The following KY variants were observed in gnomAD, a reference collection of about 807,000 sequenced individuals.
The protein encoded by KY is kyphoscoliosis peptidase.
Under a neutral mutation model 76.1 loss-of-function variants are expected in KY, and 43 were observed. The ratio of observed to expected loss-of-function variants is 0.57; its 90% CI spans 0.44 to 0.73. The LOEUF is 0.73. Among genes scored for constraint, KY ranks in the 30% least tolerant of loss-of-function variants. KY has a pLI of 0.00. For missense variants in KY, 722 were observed against 828.9 expected (o/e 0.87, Z 1.58); for synonymous variants, 277 against 326.2 (o/e 0.85, Z 1.63).
At chr3:134,641,890 T>G (rs971105306) in intron 3 of KY, among the ~76,000 whole-genome samples, 2 of 152,188 alleles carry the variant, frequency 1.3e-5, no homozygotes, top group Non-Finnish European at 2.9e-5. Flanking sequence ...CTAAGTGAGG[T>G]AAGTGGTGCT....
At chr3:134,649,558 A>C (rs1441320226) in intron 1 of KY, among the ~76,000 whole-genome samples, 1 of 152,244 alleles carries the variant, frequency 6.6e-6, no homozygotes, top group Non-Finnish European at 1.5e-5. Flanking sequence ...TACCCTGGGC[A>C]GGCCATTTCC....
At position 134,609,196 on chromosome 3, in the gene KY, G is replaced by A. The variant is rs117521483; in HGVS notation, c.900-357C>T. On this transcript the variant is annotated intron_variant, in intron 9 of 10. Transcript: ENST00000423778. ...GGTCGTGGGAAGGCAGGGAGACAGAGTGCTTGAATTCACTGCCTCCATCTA... is the reference window on the plus strand; with the variant it reads ...GGTCGTGGGAAGGCAGGGAGACAGAATGCTTGAATTCACTGCCTCCATCTA... Among the ~76,000 whole-genome samples the A allele has an allele frequency of 4.9e-3, 744 of 152,316 alleles. 7 individuals carry two copies. Among genetic ancestry groups the A allele is most frequent in the Middle Eastern group, 0.034 (10 of 294 alleles).
intron 8 of KY, among the ~76,000 whole-genome samples, chr3:134,611,816 G>A (rs1016710788): frequency 3.9e-5 from 6 of 152,228 alleles, no homozygotes; most frequent in Admixed American, 3.3e-4. Flanking sequence ...AGAGGGCCAC[G>A]GAGCCTCCCA....
Position 134,610,278 on chromosome 3 carries a change from C to T in KY, c.816G>A (p.Val272=). The change falls in exon 9 of 11, where the codon GTG becomes GTA. Residue 272 remains valine (V), a synonymous_variant. Coordinates refer to ENST00000423778, the MANE Select transcript of KY (RefSeq NM_178554.6). ...SGEFDHAWNA[V]YLEGRWHLVD... ...CCAGGTGCCATCTTCCCTCCAGGTA[C>T]ACAGCATTCCAGGCATGGTCAAACT... The T allele has an allele frequency of 1.2e-6, 2 of 1,613,964 alleles. No individual in the cohort carries two copies. Among genetic ancestry groups the T allele is most frequent in the Non-Finnish European group, 1.7e-6 (2 of 1,179,890 alleles).
chr3:134,617,442 G>A (rs1338073851), intron 8 of KY, among the ~76,000 whole-genome samples: 1 of 152,168 alleles, frequency 6.6e-6, no homozygotes, highest in Non-Finnish European at 1.5e-5. Flanking sequence ...GAGGTAGAAG[G>A]AGAGAGGAGA....
At chr3:134,642,512 C>T (rs1283828056) in intron 3 of KY, among the ~76,000 whole-genome samples, 4 of 135,912 alleles carry the variant, frequency 2.9e-5, no homozygotes, top group East Asian at 2.6e-4. Flanking sequence ...TCTATCTTGT[C>T]GTGTGCTCAG....
chr3:134,625,759 G>A (rs1017251720), intron 5 of KY, among the ~76,000 whole-genome samples: 4 of 152,244 alleles, frequency 2.6e-5, no homozygotes, highest in Non-Finnish European at 2.9e-5. Context: ...GTGTGATGGC[G>A]TTCTGGTAAC....
At position 134,603,118 on chromosome 3, in the gene KY, T is replaced by A. The variant is rs1414119392; in HGVS notation, c.*461A>T. 1.3e-5 allele frequency: 2 copies of A among 154,054 alleles called. No individual in the cohort carries two copies. The highest frequency in any genetic ancestry group is 4.8e-5 in the African/African-American group (2 of 41,442). 9.5% of individuals were successfully genotyped at this position (154,054 alleles called of 1,614,324 possible). A position where few individuals can be genotyped will look rare whatever the true frequency, so the allele number is the denominator to read the frequency against. On this transcript the variant is annotated 3_prime_UTR_variant, in exon 11 of 11. Transcript: ENST00000423778. ...GAGCTGTCGAGAGGCACGGTGATATTGCTTGAAAGGGGCTCTGTGATTCAA... is the reference window on the plus strand; with the variant it reads ...GAGCTGTCGAGAGGCACGGTGATATAGCTTGAAAGGGGCTCTGTGATTCAA...
At chr3:134,648,165 T>C (rs1314872295) in intron 1 of KY, among the ~76,000 whole-genome samples, 1 of 152,154 alleles carries the variant, frequency 6.6e-6, no homozygotes, top group Non-Finnish European at 1.5e-5. Flanking sequence ...TGCAATAAAA[T>C]TGAGATCCTG....
At chr3:134,619,088 C>G in intron 8 of KY, 60 bp downstream of exon 8, 1 of 1,381,088 alleles carries the variant, frequency 7.2e-7, no homozygotes, top group Admixed American at 1.7e-5. Flanking sequence ...GCACATGGCA[C>G]TGTGGAAGAG....
chr3:134,620,189 A>T (rs1004888617), intron 7 of KY, among the ~76,000 whole-genome samples: 10 of 152,130 alleles, frequency 6.6e-5, no homozygotes, highest in Non-Finnish European at 1.0e-4. Context: ...TCCCAAGGCC[A>T]TCCTGTGGAG....
intron 1 of KY, among the ~76,000 whole-genome samples, chr3:134,649,778 C>T: frequency 6.6e-6 from 1 of 152,242 alleles, no homozygotes; most frequent in Non-Finnish European, 1.5e-5. Context: ...AGGCCATCCA[C>T]AGCAGCATTA....
At chr3:134,634,354 A>C (rs1262711642) in intron 3 of KY, among the ~76,000 whole-genome samples, 1 of 152,246 alleles carries the variant, frequency 6.6e-6, no homozygotes, top group Non-Finnish European at 1.5e-5. Flanking sequence ...AGATGCATTA[A>C]TGAAAAGCTG....
chr3:134,649,234 T>C (rs969226396), intron 1 of KY, among the ~76,000 whole-genome samples: 61 of 152,220 alleles, frequency 4.0e-4, no homozygotes, highest in African/African-American at 1.4e-3. Context: ...GGTCTTTTTT[T>C]CTCTGTCATA....
chr3:134,622,226 A>G (rs1962751692), intron 6 of KY, among the ~76,000 whole-genome samples: 1 of 152,230 alleles, frequency 6.6e-6, no homozygotes, highest in African/African-American at 2.4e-5. Flanking sequence ...CAACCAAAAA[A>G]ACCGAAGGCA....
At chr3:134,624,772 T>G (rs1386610734) in intron 6 of KY, among the ~76,000 whole-genome samples, 1 of 151,834 alleles carries the variant, frequency 6.6e-6, no homozygotes, top group Non-Finnish European at 1.5e-5. Context: ...AGGTCAGGGC[T>G]GGCCAGAGGG....
intron 10 of KY, chr3:134,607,979 C>T (rs1959541713): frequency 9.8e-7 from 1 of 1,016,140 alleles, no homozygotes; most frequent in Non-Finnish European, 1.2e-6. Flanking sequence ...ATGTCCATCT[C>T]TGTCTAGCTA....
chr3:134,619,746 T>C (rs7648167), intron 7 of KY, among the ~76,000 whole-genome samples: 3,913 of 152,344 alleles, frequency 0.026, 69 homozygotes, highest in South Asian at 0.054. Context: ...AGGCCTGTGG[T>C]GAGGCCCTAA....
chr3:134,618,367 A>G (rs1205967603), intron 8 of KY, among the ~76,000 whole-genome samples: 1 of 152,184 alleles, frequency 6.6e-6, no homozygotes, highest in African/African-American at 2.4e-5. Flanking sequence ...TGGGTGCCTA[A>G]GAAGACTCAC....
Sources: gnomAD v4.1 joint callset for allele counts (sites outside exome capture counted in the v4.1 genomes callset) on GRCh38, gnomAD v4.1.1 for gene constraint, MANE v1.5 for transcripts, NCBI Gene and HGNC (gene_info 2026-07-23, HGNC 2026-07-21) for gene names.